The following NEGR1 variants were observed in gnomAD, a reference collection of about 807,000 sequenced individuals.
NEGR1 encodes the protein IgLON family member 4.
A neutral mutation model predicts 40.9 loss-of-function variants in NEGR1; 10 were observed. That is an observed-to-expected ratio of 0.24 (90% CI 0.15 to 0.42). NEGR1 has a LOEUF of 0.42. Among genes scored for constraint, NEGR1 ranks in the 10% least tolerant of loss-of-function variants. The probability of loss-of-function intolerance (pLI) is 1.00; values close to 1 mark genes in which losing one functional copy is unlikely to be tolerated. For synonymous variants in NEGR1, 185 were observed against 166.8 expected (o/e 1.11, Z -0.84); for missense variants, 352 against 438.9 (o/e 0.80, Z 1.77).
At chr1:71,533,715 C>A (rs1386260509) in intron 6 of NEGR1, among the ~76,000 whole-genome samples, 2 of 151,572 alleles carry the variant, frequency 1.3e-5, no homozygotes, top group East Asian at 3.9e-4. Flanking sequence ...TTTAAGATTT[C>A]TATTTTTAAA....
At chr1:72,036,517 A>T (rs569838022) in intron 1 of NEGR1, among the ~76,000 whole-genome samples, 2 of 151,806 alleles carry the variant, frequency 1.3e-5, no homozygotes, top group African/African-American at 4.8e-5. Flanking sequence ...TTAGCTGGGC[A>T]TGGTGGTGCG....
intron 1 of NEGR1, among the ~76,000 whole-genome samples, chr1:72,086,725 A>T (rs1209189199): frequency 6.6e-6 from 1 of 152,202 alleles, no homozygotes; most frequent in Non-Finnish European, 1.5e-5. Flanking sequence ...ATTTGTTAAT[A>T]GATTTATTTA....
rs58290687 is a variant in NEGR1 at position 71,658,389 on chromosome 1, G to T, written c.667+39619C>A. 7.1e-3 allele frequency among the ~76,000 whole-genome samples: 1,085 copies of T among 151,982 alleles called. 10 individuals carry two copies. The highest frequency in any genetic ancestry group is 0.025 in the African/African-American group (1,042 of 41,380). On this transcript the variant is annotated intron_variant, in intron 4 of 6. Transcript: ENST00000357731. Reference sequence around the variant, plus strand: ...TTGGCAATAACTATTGTCGTCCTTGGTTAGAAATAAACTACATTTTTTTTT... The same window carrying T: ...TTGGCAATAACTATTGTCGTCCTTGTTTAGAAATAAACTACATTTTTTTTT...
chr1:72,024,602 C>T lies in NEGR1; in HGVS notation c.177-89291G>A, dbSNP rs1425992211. Among the ~76,000 whole-genome samples, 4 of 152,230 alleles carry T rather than the reference C, an allele frequency of 2.6e-5. No homozygotes were observed. In the East Asian group the frequency reaches 7.7e-4, roughly 29 times the overall value. ...GCAATGCAAACAAAATGCTTTTCTG[C>T]TAAGCTCTTAATGAGAAAATTTCCA... is the stretch of plus-strand genomic sequence containing the variant. On this transcript the variant is annotated intron_variant, in intron 1 of 6. Coordinates refer to ENST00000357731, the MANE Select transcript of NEGR1 (RefSeq NM_173808.3).
chr1:72,231,125 A>G (rs1331084976), intron 1 of NEGR1, among the ~76,000 whole-genome samples: 5 of 152,176 alleles, frequency 3.3e-5, no homozygotes, highest in Admixed American at 1.3e-4. Flanking sequence ...AAGTAGGCAG[A>G]TGGAAGAAAG....
rs141445838 is a variant in NEGR1, at chr1:72,234,519, C to T, written c.176+47800G>A. 8.4e-3 allele frequency among the ~76,000 whole-genome samples: 1,284 copies of T among 152,094 alleles called. 19 individuals are homozygous for T. Among genetic ancestry groups the T allele is most frequent in the African/African-American group, 0.029 (1,222 of 41,482 alleles). ...ACTTACAGATGGGAGAAAATTTTTG[C>T]AAGCTATGCATCTGACAAAGGTCTA... is the stretch of plus-strand genomic sequence containing the variant. On this transcript the variant is annotated intron_variant, in intron 1 of 6. Coordinates refer to ENST00000357731, the MANE Select transcript of NEGR1 (RefSeq NM_173808.3).
intron 1 of NEGR1, among the ~76,000 whole-genome samples, chr1:71,940,841 A>C (rs2100245150): frequency 6.6e-6 from 1 of 152,298 alleles, no homozygotes; most frequent in Non-Finnish European, 1.5e-5. Context: ...TAAGTCAAAA[A>C]GCCTGTGGCT....
intron 1 of NEGR1, among the ~76,000 whole-genome samples, chr1:71,970,772 TATACTC>T (rs1403013765): frequency 1.3e-5 from 2 of 152,084 alleles, no homozygotes; most frequent in Non-Finnish European, 2.9e-5. Context: ...AAAGAGAACA[TATACTC>T]AGAGGGTTGG....
At chr1:71,636,618 C>G (rs1387776829) in intron 4 of NEGR1, among the ~76,000 whole-genome samples, 1 of 152,070 alleles carries the variant, frequency 6.6e-6, no homozygotes, top group Non-Finnish European at 1.5e-5. Flanking sequence ...TATTTTCTAA[C>G]AGGCATTATC....
At chr1:71,439,424 G>A (rs965091125) in intron 6 of NEGR1, among the ~76,000 whole-genome samples, 8 of 152,170 alleles carry the variant, frequency 5.3e-5, no homozygotes, top group African/African-American at 1.9e-4. Context: ...GTACAGTGGT[G>A]TGATTTTGGC....
intron 4 of NEGR1, among the ~76,000 whole-genome samples, chr1:71,613,466 G>T (rs916883991): frequency 1.3e-5 from 2 of 151,922 alleles, no homozygotes; most frequent in African/African-American, 2.4e-5. Context: ...GGCCAACGTG[G>T]TGAAACCCCG....
At chr1:72,247,883 T>G (rs1654952158) in intron 1 of NEGR1, among the ~76,000 whole-genome samples, 1 of 152,142 alleles carries the variant, frequency 6.6e-6, no homozygotes. Flanking sequence ...TTCTGCAGGC[T>G]TTTTAAGAAG....
At chr1:71,862,359 CTAA>C (rs907062720) in intron 2 of NEGR1, among the ~76,000 whole-genome samples, 1 of 152,094 alleles carries the variant, frequency 6.6e-6, no homozygotes, top group Non-Finnish European at 1.5e-5. Flanking sequence ...ATTGCCATTT[CTAA>C]TAATGTCATC....
intron 6 of NEGR1, among the ~76,000 whole-genome samples, chr1:71,543,679 T>C (rs912078532): frequency 3.3e-5 from 5 of 151,758 alleles, no homozygotes; most frequent in Admixed American, 2.0e-4. Flanking sequence ...CAAACTGGTA[T>C]CAAACTCAAC....
intron 1 of NEGR1, among the ~76,000 whole-genome samples, chr1:71,969,333 T>C (rs1646237193): frequency 6.6e-6 from 1 of 152,148 alleles, no homozygotes; most frequent in Admixed American, 6.5e-5. Context: ...ACATCTAATA[T>C]TGTAGTTAGC....
chr1:71,760,696 A>AT (rs560993501), intron 3 of NEGR1, among the ~76,000 whole-genome samples: 90 of 151,638 alleles, frequency 5.9e-4, no homozygotes, highest in Non-Finnish European at 1.1e-3. Flanking sequence ...GTTTTACTGA[A>AT]TTTTTTTTTC....
At chr1:72,073,113 C>G (rs910958929) in intron 1 of NEGR1, among the ~76,000 whole-genome samples, 1 of 152,080 alleles carries the variant, frequency 6.6e-6, no homozygotes. Context: ...AGCAGTGATA[C>G]AGTCCAAAGA....
rs1379103239 is a variant in NEGR1 at position 72,244,803 on chromosome 1, T to G, written c.176+37516A>C. On this transcript the variant is annotated intron_variant, in intron 1 of 6. Coordinates refer to ENST00000357731, the MANE Select transcript of NEGR1 (RefSeq NM_173808.3). ...TTATTTAATATATCGAATTGTTCATTAACATTGAAAGTAATGGTCAACAGC... is the reference window on the plus strand; with the variant it reads ...TTATTTAATATATCGAATTGTTCATGAACATTGAAAGTAATGGTCAACAGC... Among the ~76,000 whole-genome samples, 3 of 152,036 alleles carry G rather than the reference T, an allele frequency of 2.0e-5. No individual in the cohort carries two copies. The South Asian group carries it at 6.2e-4, about 31-fold the overall frequency.
intron 2 of NEGR1, among the ~76,000 whole-genome samples, chr1:71,907,708 C>T (rs991965910): frequency 1.3e-5 from 2 of 152,084 alleles, no homozygotes; most frequent in African/African-American, 4.8e-5. Context: ...GTTGTACGTT[C>T]ATTGCAGCAC....
Sources: gnomAD v4.1 joint callset for allele counts (sites outside exome capture counted in the v4.1 genomes callset) on GRCh38, gnomAD v4.1.1 for gene constraint, MANE v1.5 for transcripts, NCBI Gene and HGNC (gene_info 2026-07-23, HGNC 2026-07-21) for gene names.